DOCK9: variants seen among roughly 807,000 people sequenced by gnomAD.
DOCK9 encodes the protein dedicator of cytokinesis protein 9.
In DOCK9, 89 loss-of-function variants were observed where a neutral mutation model predicts 263.3. The observed-to-expected ratio is 0.34, with a 90% CI of 0.28 to 0.40. The LOEUF (loss-of-function observed/expected upper bound fraction) is 0.40, where lower values mean the gene tolerates loss of function less well. Among genes scored for constraint, DOCK9 ranks in the 10% least tolerant of loss-of-function variants. DOCK9 has a pLI of 1.00. For synonymous variants in DOCK9, 976 were observed against 973.1 expected (o/e 1.00, Z -0.06); for missense variants, 2,140 against 2,603.4 (o/e 0.82, Z 3.87).
chr13:98,882,901 A>T (rs1239674749), intron 23 of DOCK9, 141 bp downstream of exon 23: 4 of 669,516 alleles, frequency 6.0e-6, no homozygotes, highest in Non-Finnish European at 1.0e-5. Context: ...TCTTACCACT[A>T]TCTAAACCTC....
At chr13:98,816,595 C>T (rs1440668540) in intron 45 of DOCK9, among the ~76,000 whole-genome samples, 3 of 151,572 alleles carry the variant, frequency 2.0e-5, no homozygotes, top group Non-Finnish European at 2.9e-5. Flanking sequence ...CGGGAGTGCA[C>T]GAATAACGAA....
intron 45 of DOCK9, among the ~76,000 whole-genome samples, chr13:98,815,381 A>C (rs553060364): frequency 6.6e-6 from 1 of 152,344 alleles, no homozygotes; most frequent in East Asian, 1.9e-4. Flanking sequence ...TCCCATTTTA[A>C]AACTGTCCTT....
At chr13:99,072,884 G>T (rs2041742700) in intron 1 of DOCK9, among the ~76,000 whole-genome samples, 3 of 152,144 alleles carry the variant, frequency 2.0e-5, no homozygotes, top group Admixed American at 2.0e-4. Context: ...TATAGTCCCA[G>T]CTACTTGCAA....
chr13:98,872,439 C>G (rs2094212488), intron 27 of DOCK9, among the ~76,000 whole-genome samples: 1 of 151,618 alleles, frequency 6.6e-6, no homozygotes, highest in Non-Finnish European at 1.5e-5. Context: ...CAAGGTCTCA[C>G]TCTGTCGCCC....
At chr13:98,845,446 TGTTTTCACA>T in intron 38 of DOCK9, 1 of 1,085,666 alleles carries the variant, frequency 9.2e-7, no homozygotes, top group Non-Finnish European at 1.3e-6. Flanking sequence ...ATGGGCTTTA[TGTTTTCACA>T]GTAGTGCAAG....
At chr13:99,074,235 AAC>A (rs1483486912) in intron 1 of DOCK9, among the ~76,000 whole-genome samples, 11 of 152,260 alleles carry the variant, frequency 7.2e-5, no homozygotes, top group Admixed American at 7.2e-4. Flanking sequence ...GCAGCTGCAG[AAC>A]ACAGTCTACA....
chr13:98,796,224 T>C, intron 52 of DOCK9: 1 of 1,586,548 alleles, frequency 6.3e-7, no homozygotes, highest in Non-Finnish European at 8.6e-7. Context: ...CTGAACGTGT[T>C]AGCATGGAGG....
chr13:98,971,382 G>A (rs2059709844), intron 1 of DOCK9, among the ~76,000 whole-genome samples: 1 of 152,298 alleles, frequency 6.6e-6, no homozygotes, highest in Admixed American at 6.5e-5. Context: ...AACATTTCAG[G>A]ATTAACCTGG....
intron 1 of DOCK9, among the ~76,000 whole-genome samples, chr13:99,014,306 T>C (rs1361837008): frequency 6.6e-6 from 1 of 152,214 alleles, no homozygotes; most frequent in Non-Finnish European, 1.5e-5. Context: ...CTGATACCAG[T>C]TATTCGCAAA....
intron 45 of DOCK9, among the ~76,000 whole-genome samples, chr13:98,820,122 G>C (rs2092172297): frequency 6.6e-6 from 1 of 152,148 alleles, no homozygotes; most frequent in Admixed American, 6.5e-5. Context: ...GGGAGCCTCT[G>C]GTTACAACAT....
chr13:98,796,254 TA>T, intron 52 of DOCK9: 1 of 1,553,912 alleles, frequency 6.4e-7, no homozygotes, highest in South Asian at 1.2e-5. Context: ...GCAAGTGAGT[TA>T]AAGCTCACAC....
At chr13:98,997,343 TA>T (rs1194979300) in intron 1 of DOCK9, among the ~76,000 whole-genome samples, 1 of 152,010 alleles carries the variant, frequency 6.6e-6, no homozygotes, top group African/African-American at 2.4e-5. Context: ...AAACTTGGAG[TA>T]AAAAAGAACT....
At chr13:99,066,407 A>G (rs1245981416) in intron 1 of DOCK9, among the ~76,000 whole-genome samples, 1 of 152,248 alleles carries the variant, frequency 6.6e-6, no homozygotes, top group African/African-American at 2.4e-5. Flanking sequence ...TTTTTAATCT[A>G]GAACTCCACA....
chr13:98,922,548 A>C (rs2052221550), intron 5 of DOCK9, among the ~76,000 whole-genome samples: 1 of 152,194 alleles, frequency 6.6e-6, no homozygotes, highest in Non-Finnish European at 1.5e-5. Context: ...CATTCCTGGA[A>C]ACCTTCCCAG....
chr13:99,066,949 C>T (rs151053446), intron 1 of DOCK9, among the ~76,000 whole-genome samples: 377 of 152,256 alleles, frequency 2.5e-3, no homozygotes, highest in African/African-American at 8.7e-3. Context: ...ATTAAACATC[C>T]GGTTTCTGAA....
At chr13:98,872,961 A>G (rs1444155458) in intron 27 of DOCK9, among the ~76,000 whole-genome samples, 5 of 152,202 alleles carry the variant, frequency 3.3e-5, no homozygotes, top group Non-Finnish European at 5.9e-5. Flanking sequence ...GAGGGTGGAA[A>G]GGAAGCTGCA....
At chr13:99,085,229 G>T (rs2042281975) in intron 1 of DOCK9, among the ~76,000 whole-genome samples, 1 of 152,186 alleles carries the variant, frequency 6.6e-6, no homozygotes, top group Admixed American at 6.5e-5. Context: ...ACAGGGCCCA[G>T]ACAACCACTT....
chr13:98,852,352 G>A (rs2093597620), intron 35 of DOCK9, among the ~76,000 whole-genome samples: 1 of 151,930 alleles, frequency 6.6e-6, no homozygotes, highest in African/African-American at 2.4e-5. Context: ...ACAGAAGAAC[G>A]AATTACCCAG....
upstream of DOCK9, among the ~76,000 whole-genome samples, chr13:99,086,863 G>A (rs1214170860): frequency 6.6e-6 from 1 of 151,104 alleles, no homozygotes; most frequent in Non-Finnish European, 1.5e-5. Context: ...GGGGGGTCGG[G>A]GCCGCCTCCG....
Sources: gnomAD v4.1 joint callset for allele counts (sites outside exome capture counted in the v4.1 genomes callset) on GRCh38, gnomAD v4.1.1 for gene constraint, MANE v1.5 for transcripts, NCBI Gene and HGNC (gene_info 2026-07-23, HGNC 2026-07-21) for gene names.